Variants in S100A8 observed in about 807,000 individuals in gnomAD.
S100A8 encodes S100 calcium binding protein A8, also known as protein S100-A8.
Under a neutral mutation model 4.2 loss-of-function variants are expected in S100A8, and 1 was observed. That is an observed-to-expected ratio of 0.24 (90% CI 0.08 to 1.12). The LOEUF is 1.12. S100A8 is among the 50% of genes most tolerant of loss of function. The probability of loss-of-function intolerance (pLI) is 0.53; values close to 1 mark genes in which losing one functional copy is unlikely to be tolerated. For synonymous variants in S100A8, 41 were observed against 44.7 expected (o/e 0.92, Z 0.33); for missense variants, 96 against 111.8 (o/e 0.86, Z 0.64).
At chr1:153,394,057 G>T (rs965919205), upstream of S100A8, among the ~76,000 whole-genome samples, 2 of 152,212 alleles carry the variant, frequency 1.3e-5, no homozygotes, top group African/African-American at 4.8e-5. Flanking sequence ...AAGGTATCAG[G>T]ACTTGGGTAA....
the S100A8 span, chr1:153,419,313 A>G: frequency 3.1e-6 from 5 of 1,613,332 alleles, no homozygotes; most frequent in Non-Finnish European, 3.4e-6. Flanking sequence ...CCAGTGATCC[A>G]GCCCCACCAA....
the S100A8 span, among the ~76,000 whole-genome samples, chr1:153,412,756 T>C: frequency 6.6e-6 from 1 of 152,128 alleles, no homozygotes; most frequent in African/African-American, 2.4e-5. Context: ...AATGATAGAC[T>C]GGATTAAGAA....
chr1:153,391,613 G>A (rs1378941058), upstream of S100A8, among the ~76,000 whole-genome samples: 1 of 152,138 alleles, frequency 6.6e-6, no homozygotes, highest in Non-Finnish European at 1.5e-5. Flanking sequence ...AACTATCGTT[G>A]TTGTTCTTTT....
At chr1:153,393,430 C>T (rs1406685768), upstream of S100A8, among the ~76,000 whole-genome samples, 2 of 152,182 alleles carry the variant, frequency 1.3e-5, no homozygotes, top group African/African-American at 4.8e-5. Flanking sequence ...GCAGCTACTA[C>T]ATGTTCAATT....
At chr1:153,407,622 G>T in the S100A8 span, among the ~76,000 whole-genome samples, 6 of 152,174 alleles carry the variant, frequency 3.9e-5, no homozygotes, top group East Asian at 9.6e-4. Flanking sequence ...GAGAGTAGTG[G>T]TTCTCCAAGC....
At chr1:153,421,862 T>A in the S100A8 span, 16 of 152,204 alleles carry the variant, frequency 1.1e-4, no homozygotes, top group African/African-American at 2.7e-4. Context: ...AAAATTAGGA[T>A]GGAGTGTGTG....
chr1:153,421,206 CA>C, the S100A8 span: 1 of 152,212 alleles, frequency 6.6e-6, no homozygotes, highest in African/African-American at 2.4e-5. Flanking sequence ...GTCTCATTAA[CA>C]TTACATTTCA....
chr1:153,404,695 A>G, the S100A8 span, among the ~76,000 whole-genome samples: 1 of 152,196 alleles, frequency 6.6e-6, no homozygotes, highest in South Asian at 2.1e-4. Flanking sequence ...CCAATATACT[A>G]TTTTATGCAG....
the S100A8 span, among the ~76,000 whole-genome samples, chr1:153,407,793 AACAT>A: frequency 3.9e-5 from 6 of 152,238 alleles, no homozygotes; most frequent in African/African-American, 1.4e-4. Context: ...ATCAGGAACC[AACAT>A]TTGCCATTCT....
upstream of S100A8, among the ~76,000 whole-genome samples, chr1:153,391,894 G>A (rs903936038): frequency 2.0e-5 from 3 of 152,192 alleles, no homozygotes; most frequent in African/African-American, 7.2e-5. Context: ...CTCTGAGGTA[G>A]TGGAGGGGAA....
chr1:153,396,150 C>T, the S100A8 span, among the ~76,000 whole-genome samples: 11 of 152,210 alleles, frequency 7.2e-5, no homozygotes, highest in African/African-American at 2.7e-4. Flanking sequence ...TCTCTCCCAT[C>T]CAATATAAAC....
At chr1:153,390,748 G>T in intron 1 of S100A8, 191 bp from the exon 2 acceptor site, 2 of 697,554 alleles carry the variant, frequency 2.9e-6, no homozygotes, top group Non-Finnish European at 4.6e-6. Flanking sequence ...GGAAGGGGAA[G>T]GGTCCATTCA....
chr1:153,410,307 G>A, the S100A8 span, among the ~76,000 whole-genome samples: 7 of 152,084 alleles, frequency 4.6e-5, no homozygotes, highest in Non-Finnish European at 1.0e-4. Flanking sequence ...TATCACCACC[G>A]ATCCCACAGA....
the S100A8 span, among the ~76,000 whole-genome samples, chr1:153,407,511 T>G: frequency 6.6e-6 from 1 of 152,228 alleles, no homozygotes. Context: ...AAAGGAGGTC[T>G]GCCTGCCTCG....
the S100A8 span, among the ~76,000 whole-genome samples, chr1:153,412,683 A>C: frequency 6.6e-6 from 1 of 152,232 alleles, no homozygotes; most frequent in Admixed American, 6.5e-5. Flanking sequence ...ACACATGCAC[A>C]CGTATGTTTA....
At chr1:153,405,064 C>T in the S100A8 span, among the ~76,000 whole-genome samples, 2,240 of 152,008 alleles carry the variant, frequency 0.015, 26 homozygotes, top group Middle Eastern at 0.034. Flanking sequence ...TCCTCCTTGG[C>T]CAAGGAGCCT....
chr1:153,411,434 A>G, the S100A8 span, among the ~76,000 whole-genome samples: 1 of 152,144 alleles, frequency 6.6e-6, no homozygotes, highest in Non-Finnish European at 1.5e-5. Context: ...GGATGCGAAC[A>G]ACCTCTTCAA....
intron 1 of S100A8, 82 bp from the exon 2 acceptor site, chr1:153,390,639 A>G (rs1662070411): frequency 4.6e-6 from 7 of 1,531,144 alleles, no homozygotes; most frequent in Non-Finnish European, 5.3e-6. Context: ...TTCATGCCCC[A>G]AGCGATGGCC....
At chr1:153,419,090 C>A in the S100A8 span, 29 of 1,588,594 alleles carry the variant, frequency 1.8e-5, no homozygotes, top group Non-Finnish European at 2.5e-5. Flanking sequence ...CCCCTCCCAG[C>A]CCAAAACTTG....
Sources: allele counts gnomAD v4.1 joint callset (sites outside exome capture counted in the v4.1 genomes callset), GRCh38; gene constraint gnomAD v4.1.1; transcripts MANE v1.5; gene names NCBI Gene and HGNC (gene_info 2026-07-23, HGNC 2026-07-21).